The following UNC80 variants were observed in gnomAD, a reference collection of about 807,000 sequenced individuals.
The protein encoded by UNC80 is protein unc-80 homolog.
A neutral mutation model predicts 384.6 loss-of-function variants in UNC80; 164 were observed. The observed-to-expected ratio is 0.43, with a 90% CI of 0.38 to 0.49. UNC80 has a LOEUF of 0.49. Among genes scored for constraint, UNC80 ranks in the 20% least tolerant of loss-of-function variants. UNC80 has a pLI of 0.00. For missense variants in UNC80, 3,330 were observed against 4,143.0 expected, an observed-to-expected ratio of 0.80 and a Z score of 5.39; for synonymous variants, 1,486 against 1,527.8, an observed-to-expected ratio of 0.97 and a Z score of 0.64.
intron 22 of UNC80, among the ~76,000 whole-genome samples, chr2:209,866,531 C>CAGAGAGAGAG (rs1381638930): frequency 8.2e-6 from 1 of 122,030 alleles, no homozygotes; most frequent in Non-Finnish European, 1.6e-5. Context: ...CACACACACA[C>CAGAGAGAGAG]ACAGAGAGAG....
intron 36 of UNC80, among the ~76,000 whole-genome samples, chr2:209,929,575 A>G (rs2090692265): frequency 2.0e-5 from 3 of 152,200 alleles, no homozygotes; most frequent in Admixed American, 6.5e-5. Flanking sequence ...TGCTGCTATT[A>G]TTGGGGTGAC....
At chr2:209,956,580 T>A (rs916176790) in intron 48 of UNC80, among the ~76,000 whole-genome samples, 23 of 149,790 alleles carry the variant, frequency 1.5e-4, no homozygotes, top group South Asian at 6.5e-4. Flanking sequence ...TTAAATTTTT[T>A]AATTTTTTTT....
chr2:209,867,417 T>TG (rs1256597520), intron 22 of UNC80, among the ~76,000 whole-genome samples: 1 of 151,900 alleles, frequency 6.6e-6, no homozygotes, highest in South Asian at 2.1e-4. Context: ...TTTTGGGGGC[T>TG]GGGGGGCATG....
chr2:209,991,520 G>A (rs2093390859), intron 61 of UNC80, among the ~76,000 whole-genome samples: 1 of 152,112 alleles, frequency 6.6e-6, no homozygotes. Flanking sequence ...ATGTTTGAGT[G>A]CAGTTACTCG....
chr2:209,983,290 A>T (rs2093203565), intron 60 of UNC80, among the ~76,000 whole-genome samples: 1 of 152,134 alleles, frequency 6.6e-6, no homozygotes, highest in Non-Finnish European at 1.5e-5. Flanking sequence ...TGTGAAATAA[A>T]GCCCAAGTTT....
intron 44 of UNC80, among the ~76,000 whole-genome samples, chr2:209,942,912 A>G (rs763231455): frequency 4.6e-5 from 7 of 152,042 alleles, no homozygotes; most frequent in Non-Finnish European, 1.0e-4. Flanking sequence ...CAAGTTTGTA[A>G]CCTAGTTTTT....
At chr2:209,813,261 C>G (rs188730358) in intron 7 of UNC80, among the ~76,000 whole-genome samples, 1 of 152,306 alleles carries the variant, frequency 6.6e-6, no homozygotes, top group East Asian at 1.9e-4. Flanking sequence ...CCTTCAAACT[C>G]GTGGTTTTTA....
intron 7 of UNC80, 91 bp downstream of exon 7, chr2:209,793,950 TA>T: frequency 6.9e-7 from 1 of 1,452,516 alleles, no homozygotes. Flanking sequence ...CTCTGTTCCT[TA>T]AAATATGTAT....
At chr2:209,954,919 TG>T (rs1414958090) in intron 48 of UNC80, among the ~76,000 whole-genome samples, 1 of 152,100 alleles carries the variant, frequency 6.6e-6, no homozygotes, top group Non-Finnish European at 1.5e-5. Context: ...GCAAGATGCT[TG>T]GGTGCCGAAG....
intron 63 of UNC80, among the ~76,000 whole-genome samples, chr2:209,993,651 G>A (rs372120177): frequency 3.7e-4 from 57 of 152,202 alleles, no homozygotes; most frequent in African/African-American, 1.3e-3. Context: ...AAGAGCCCAA[G>A]GTAAACCACT....
At chr2:209,952,573 C>G (rs2092234156) in intron 47 of UNC80, among the ~76,000 whole-genome samples, 1 of 152,146 alleles carries the variant, frequency 6.6e-6, no homozygotes, top group Admixed American at 6.6e-5. Context: ...TTCTCCTTAG[C>G]CTTTTGGCCC....
rs1027106635 is a variant in UNC80 at position 209,997,365 on chromosome 2, T to C, written c.*1770T>C. The C allele has an allele frequency of 5.3e-5, 8 of 152,368 alleles. No homozygotes were observed. Among genetic ancestry groups the C allele is most frequent in the Admixed American group, 2.6e-4 (4 of 15,306 alleles). 9.4% of individuals were successfully genotyped at this position (152,368 alleles called of 1,614,324 possible). On this transcript the variant is annotated 3_prime_UTR_variant, in exon 65 of 65. Transcript: ENST00000673920. ...GTGGTTTTATGATTCCAAGCTGATATATTTCACCTGTTAAAAATTATGCTG... is the reference window on the plus strand; with the variant it reads ...GTGGTTTTATGATTCCAAGCTGATACATTTCACCTGTTAAAAATTATGCTG...
At position 209,993,368 on chromosome 2, in the gene UNC80, C is replaced by T. The variant is rs1398922928; in HGVS notation, c.9450C>T (p.Arg3150=). The T allele has an allele frequency of 5.8e-6, 9 of 1,551,842 alleles. No homozygotes were observed. The highest frequency in any genetic ancestry group is 7.8e-6 in the Non-Finnish European group (9 of 1,146,988). Residue 3150 remains arginine, a synonymous_variant, in exon 63 of 65, where the codon CGC becomes CGT. Transcript: ENST00000673920. ...RQKTQTEPRN[R]QGARLSTTRR... ...AAACTCAGACTGAACCCAGAAATCG[C>T]CAAGGGGCTCGGCTGTCAACCACTC...
rs1463495135 is a variant in UNC80 at position 209,994,044 on chromosome 2, CT to C, written c.9509-20del. ...TTTCCACCAACTCCTCCCCAATTTA[CT>C]GTTTCACCTCTACCTGCAGCGGATC... is the stretch of plus-strand genomic sequence containing the variant. On this transcript the variant is annotated intron_variant, in intron 63 of 64. Coordinates refer to ENST00000673920, the MANE Select transcript of UNC80 (RefSeq NM_001371986.1). 6.5e-7 allele frequency: 1 copy of C among 1,533,740 alleles called. No individual in the cohort carries two copies. Among genetic ancestry groups the C allele is most frequent in the Non-Finnish European group, 8.8e-7 (1 of 1,137,204 alleles).
chr2:209,897,304 A>C (rs1335026791), intron 28 of UNC80, among the ~76,000 whole-genome samples: 1 of 152,224 alleles, frequency 6.6e-6, no homozygotes, highest in Non-Finnish European at 1.5e-5. Flanking sequence ...CATTATCAAC[A>C]CCTAAGAAAT....
intron 60 of UNC80, among the ~76,000 whole-genome samples, chr2:209,984,020 T>C (rs550144514): frequency 1.3e-5 from 2 of 152,248 alleles, no homozygotes; most frequent in Admixed American, 1.3e-4. Flanking sequence ...TTCTAAATGG[T>C]TTAGTTCTCT....
chr2:209,901,821 C>T (rs968371688), intron 28 of UNC80, among the ~76,000 whole-genome samples: 3 of 151,726 alleles, frequency 2.0e-5, no homozygotes, highest in African/African-American at 7.3e-5. Flanking sequence ...CCCAGATACT[C>T]GAGAGGCCGA....
Position 209,959,529 on chromosome 2 carries a change from A to C in UNC80, c.7627A>C (p.Arg2543=), listed in dbSNP as rs964092375. The change falls in exon 51 of 65, where the codon AGA becomes CGA. Residue 2543 remains arginine, a synonymous_variant. Transcript: ENST00000673920. ...ACTGGAGGAAGGGCAAGGCATTCCC[A>C]GAGAGGAACTGGATGAACGAATTGC... ...HLLEEGQGIP[R]EELDERIARE... 6.4e-6 allele frequency: 10 copies of C among 1,551,606 alleles called. No individual in the cohort carries two copies. The highest frequency in any genetic ancestry group is 4.1e-5 in the African/African-American group (3 of 73,062).
At position 209,939,566 on chromosome 2, in the gene UNC80, C is replaced by A; in HGVS notation, c.6560C>A (p.Ser2187Tyr). 6.4e-7 allele frequency: 1 copy of A among 1,551,818 alleles called. No individual in the cohort carries two copies. The highest frequency in any genetic ancestry group is 8.7e-7 in the Non-Finnish European group (1 of 1,146,970). The stretch of plus-strand genomic sequence containing the variant: ...ACAGCCCACAAACAGTCCCACGTCT[C>A]CATGCTTCAGGAAGACCTCCTCCGC... ...IPTAHKQSHVSMLQEDLLRLP... is the reference protein window; with the variant it reads ...IPTAHKQSHVYMLQEDLLRLP... Residue 2187 changes from serine to tyrosine, a missense_variant, in exon 43 of 65, where the codon TCC becomes TAC. By Grantham distance (144) the Ser-to-Tyr change is moderately radical. Around this residue, in one of 8 missense-constraint regions of UNC80, gnomAD observed 1,049 missense variants for 1,488.6 expected, o/e 0.70. Transcript: ENST00000673920.
Sources: gnomAD v4.1 joint callset for allele counts (sites outside exome capture counted in the v4.1 genomes callset) on GRCh38, gnomAD v4.1.1 for gene constraint, gnomAD v4.1.1 regional missense constraint, MANE v1.5 for transcripts, NCBI Gene and HGNC (gene_info 2026-07-23, HGNC 2026-07-21) for gene names.